GRM3: variants seen among roughly 807,000 people sequenced by gnomAD.
GRM3 encodes metabotropic glutamate receptor 3.
In GRM3, 26 loss-of-function variants were observed where a neutral mutation model predicts 70.5. The observed-to-expected ratio is 0.37, with a 90% CI of 0.27 to 0.51. The LOEUF (loss-of-function observed/expected upper bound fraction) is 0.51. Among genes scored for constraint, GRM3 ranks in the 20% least tolerant of loss-of-function variants. The probability of loss-of-function intolerance (pLI) is 0.93; values close to 1 mark genes in which losing one functional copy is unlikely to be tolerated. For synonymous variants in GRM3, 443 were observed against 434.9 expected, an observed-to-expected ratio of 1.02 and a Z score of -0.23; for missense variants, 859 against 1,123.8, an observed-to-expected ratio of 0.76 and a Z score of 3.37.
intron 1 of GRM3, among the ~76,000 whole-genome samples, chr7:86,761,659 G>C (rs188135358): frequency 6.6e-4 from 100 of 152,200 alleles, no homozygotes; most frequent in African/African-American, 2.4e-3. Flanking sequence ...TAAACAAAGA[G>C]AAATAAAACA....
rs183227102 is a variant in GRM3 at position 86,815,305 on chromosome 7, A to G, written c.1325-23534A>G. Among the ~76,000 whole-genome samples the G allele has an allele frequency of 1.2e-4, 18 of 151,936 alleles. 1 individual carries two copies. Among genetic ancestry groups the G allele is most frequent in the African/African-American group, 3.6e-4 (15 of 41,510 alleles). ...CCAATGAAAGGGCTGAGATACACAT[A>G]TGGAAGCTCATCTATGGATACCTCT... is the stretch of plus-strand genomic sequence containing the variant. On this transcript the variant is annotated intron_variant, in intron 3 of 5. Transcript: ENST00000361669.
At chr7:86,756,678 A>G (rs987072759) in intron 1 of GRM3, among the ~76,000 whole-genome samples, 2 of 152,050 alleles carry the variant, frequency 1.3e-5, no homozygotes, top group Non-Finnish European at 2.9e-5. Context: ...ATTTAACTAC[A>G]TATGGTTTTA....
At chr7:86,836,651 C>A (rs947211025) in intron 3 of GRM3, among the ~76,000 whole-genome samples, 7 of 152,094 alleles carry the variant, frequency 4.6e-5, no homozygotes, top group Non-Finnish European at 1.0e-4. Flanking sequence ...CCTCCCTGTC[C>A]CTCAGTAGTT....
chr7:86,809,225 A>G (rs1027922073), intron 3 of GRM3, among the ~76,000 whole-genome samples: 15 of 152,216 alleles, frequency 9.9e-5, no homozygotes, highest in Non-Finnish European at 1.5e-4. Flanking sequence ...GCACAGTTAA[A>G]GTTACTTCTC....
intron 1 of GRM3, among the ~76,000 whole-genome samples, chr7:86,742,303 T>C (rs1320546842): frequency 6.6e-6 from 1 of 152,194 alleles, no homozygotes; most frequent in Non-Finnish European, 1.5e-5. Flanking sequence ...CACATTCAGC[T>C]GGCACTTCTA....
At chr7:86,837,645 C>A (rs1798484165) in intron 3 of GRM3, among the ~76,000 whole-genome samples, 1 of 151,988 alleles carries the variant, frequency 6.6e-6, no homozygotes. Flanking sequence ...AAGAGGAGGG[C>A]CTAGGCAGGG....
At chr7:86,740,525 A>T (rs1009402199) in intron 1 of GRM3, among the ~76,000 whole-genome samples, 4 of 152,240 alleles carry the variant, frequency 2.6e-5, no homozygotes, top group African/African-American at 9.6e-5. Flanking sequence ...GCCTAACCAG[A>T]ATAAAAAGAT....
At chr7:86,707,072 TA>T (rs1795076921) in intron 1 of GRM3, among the ~76,000 whole-genome samples, 2 of 152,076 alleles carry the variant, frequency 1.3e-5, no homozygotes, top group African/African-American at 4.8e-5. Flanking sequence ...AAAACAGAAG[TA>T]ATTTCTTGAT....
At chr7:86,646,040 TCTG>T (rs1793464879) in intron 1 of GRM3, among the ~76,000 whole-genome samples, 1 of 135,682 alleles carries the variant, frequency 7.4e-6, no homozygotes, top group African/African-American at 2.8e-5. Flanking sequence ...GGGGGTGGAG[TCTG>T]CTTTGGTTTA....
intron 2 of GRM3, among the ~76,000 whole-genome samples, chr7:86,774,402 T>C (rs1796831261): frequency 2.0e-5 from 3 of 151,832 alleles, no homozygotes; most frequent in Non-Finnish European, 4.4e-5. Flanking sequence ...CTCCAGGAGG[T>C]TTATCAGTGG....
chr7:86,754,277 T>C (rs1293040149), intron 1 of GRM3, among the ~76,000 whole-genome samples: 1 of 152,144 alleles, frequency 6.6e-6, no homozygotes. Context: ...AATTCCATGA[T>C]TAAAAATGTC....
At chr7:86,773,500 A>C (rs1282230975) in intron 2 of GRM3, among the ~76,000 whole-genome samples, 2 of 152,056 alleles carry the variant, frequency 1.3e-5, no homozygotes, top group African/African-American at 2.4e-5. Flanking sequence ...GAGAATCCAG[A>C]TAGCTTGCCT....
rs187608658 is a variant in GRM3 at position 86,678,982 on chromosome 7, G to C, written c.-141+34110G>C. On this transcript the variant is annotated intron_variant, in intron 1 of 5. Coordinates refer to ENST00000361669, the MANE Select transcript of GRM3 (RefSeq NM_000840.3). ...GTGATTTCACATAGCTTTTGGAAAA[G>C]TCTTTTTTTATCACTATGGTCAAGA... Among the ~76,000 whole-genome samples the C allele has an allele frequency of 5.1e-4, 77 of 152,166 alleles. 1 individual carries two copies. The highest frequency in any genetic ancestry group is 1.8e-4 in the Non-Finnish European group (12 of 67,956).
intron 1 of GRM3, among the ~76,000 whole-genome samples, chr7:86,731,057 C>A (rs1795723753): frequency 6.6e-6 from 1 of 152,058 alleles, no homozygotes; most frequent in Non-Finnish European, 1.5e-5. Context: ...TGTAAAATGC[C>A]ACCTTTCTCA....
At chr7:86,709,734 T>C (rs1267762091) in intron 1 of GRM3, among the ~76,000 whole-genome samples, 3 of 152,218 alleles carry the variant, frequency 2.0e-5, no homozygotes, top group Admixed American at 1.3e-4. Context: ...GTTCTATAAA[T>C]TGTACAGATC....
chr7:86,736,359 C>T (rs1375528560), intron 1 of GRM3, among the ~76,000 whole-genome samples: 1 of 152,140 alleles, frequency 6.6e-6, no homozygotes, highest in African/African-American at 2.4e-5. Context: ...CAGTTAAATG[C>T]CAATGTGATT....
chr7:86,661,693 A>G (rs1485745928), intron 1 of GRM3, among the ~76,000 whole-genome samples: 1 of 151,966 alleles, frequency 6.6e-6, no homozygotes, highest in African/African-American at 2.4e-5. Flanking sequence ...GAAAATGTAG[A>G]TGGGACCAAT....
chr7:86,726,230 C>T (rs567130994), intron 1 of GRM3, among the ~76,000 whole-genome samples: 2 of 152,310 alleles, frequency 1.3e-5, no homozygotes, highest in South Asian at 4.1e-4. Flanking sequence ...TAAGTATATT[C>T]ACAGAGGTGT....
intron 5 of GRM3, among the ~76,000 whole-genome samples, chr7:86,859,604 T>C (rs564580591): frequency 6.6e-6 from 1 of 152,174 alleles, no homozygotes; most frequent in Non-Finnish European, 1.5e-5. Context: ...ATGGAACAGA[T>C]GGAGCAAACT....
Sources: gnomAD v4.1 joint callset for allele counts (sites outside exome capture counted in the v4.1 genomes callset) on GRCh38, gnomAD v4.1.1 for gene constraint, MANE v1.5 for transcripts, NCBI Gene and HGNC (gene_info 2026-07-23, HGNC 2026-07-21) for gene names.